Variants in OTUD7A observed in about 807,000 individuals in gnomAD.
OTUD7A encodes OTU domain-containing protein 7A.
In OTUD7A, 12 loss-of-function variants were observed where a neutral mutation model predicts 65.7. That is an observed-to-expected ratio of 0.18 (90% CI 0.12 to 0.30). OTUD7A has a LOEUF of 0.30. OTUD7A is among the 10% of genes least tolerant of loss of function. The pLI is 1.00. For synonymous variants in OTUD7A, 641 were observed against 586.3 expected, an observed-to-expected ratio of 1.09 and a Z score of -1.35; for missense variants, 1,148 against 1,304.8, an observed-to-expected ratio of 0.88 and a Z score of 1.85.
At chr15:31,552,300 C>A (rs1246527835) in intron 5 of OTUD7A, among the ~76,000 whole-genome samples, 1 of 152,136 alleles carries the variant, frequency 6.6e-6, no homozygotes, top group African/African-American at 2.4e-5. Flanking sequence ...TCTCAGGTAT[C>A]CCTTTAAAGC....
At position 31,680,307 on chromosome 15, in the gene OTUD7A, G is replaced by C. The variant is rs1892683533; in HGVS notation, c.-99-23230C>G. ...CAATTCTGCCATTCAGTATCTTCCT[G>C]AGAGAACACTCTAATTATGTGTACA... On this transcript the variant is annotated intron_variant, in intron 1 of 12. Coordinates refer to ENST00000307050, the MANE Select transcript of OTUD7A (RefSeq NM_001382637.1). Among the ~76,000 whole-genome samples, 4 of 152,092 alleles carry C rather than the reference G, an allele frequency of 2.6e-5. 1 individual carries two copies. Among genetic ancestry groups the C allele is most frequent in the Admixed American group, 2.6e-4 (4 of 15,278 alleles).
chr15:31,745,023 C>T (rs933960333), intron 1 of OTUD7A, among the ~76,000 whole-genome samples: 4 of 151,886 alleles, frequency 2.6e-5, no homozygotes, highest in Non-Finnish European at 4.4e-5. Flanking sequence ...TACACTAAAA[C>T]AAAAACCTCT....
intron 6 of OTUD7A, among the ~76,000 whole-genome samples, chr15:31,528,665 C>T (rs1360827654): frequency 6.6e-6 from 1 of 152,244 alleles, no homozygotes; most frequent in Non-Finnish European, 1.5e-5. Flanking sequence ...GCTCCTTGGG[C>T]AGGTCTCTCT....
intron 1 of OTUD7A, among the ~76,000 whole-genome samples, chr15:31,711,188 G>C (rs926437707): frequency 4.0e-5 from 6 of 151,634 alleles, no homozygotes; most frequent in African/African-American, 1.5e-4. Flanking sequence ...ATGTCTATTA[G>C]GGAAAGTTCA....
chr15:31,526,157 C>T (rs879847474), intron 8 of OTUD7A, among the ~76,000 whole-genome samples, 192 bp downstream of exon 8: 4 of 152,344 alleles, frequency 2.6e-5, no homozygotes, highest in East Asian at 1.9e-4. Context: ...TAGCACCTGG[C>T]GGGGCCAGCC....
At chr15:31,654,874 A>G (rs1023669262) in intron 3 of OTUD7A, among the ~76,000 whole-genome samples, 6 of 152,242 alleles carry the variant, frequency 3.9e-5, no homozygotes, top group African/African-American at 1.4e-4. Context: ...GGCCTACCAC[A>G]AAAGTATTTT....
chr15:31,553,482 C>A (rs576194917), intron 5 of OTUD7A, among the ~76,000 whole-genome samples: 53 of 152,198 alleles, frequency 3.5e-4, no homozygotes, highest in African/African-American at 1.3e-3. Flanking sequence ...CAACGCAGGG[C>A]TCTCTCTGAC....
intron 1 of OTUD7A, among the ~76,000 whole-genome samples, chr15:31,791,986 A>C (rs548773187): frequency 2.9e-4 from 44 of 152,122 alleles, no homozygotes; most frequent in Non-Finnish European, 2.8e-4. Flanking sequence ...TCACATGCCT[A>C]CTCACTGCAA....
chr15:31,530,489 G>A (rs1441745622), intron 6 of OTUD7A, among the ~76,000 whole-genome samples: 1 of 152,164 alleles, frequency 6.6e-6, no homozygotes, highest in East Asian at 1.9e-4. Flanking sequence ...ATCACGCCAG[G>A]TCTTTTCTTA....
At chr15:31,677,248 G>A in intron 1 of OTUD7A, among the ~76,000 whole-genome samples, 1 of 152,174 alleles carries the variant, frequency 6.6e-6, no homozygotes, top group East Asian at 1.9e-4. Context: ...AGAAATGTGG[G>A]TCCCTACATG....
intron 4 of OTUD7A, among the ~76,000 whole-genome samples, chr15:31,560,385 G>A (rs1262717252): frequency 6.6e-6 from 1 of 152,230 alleles, no homozygotes; most frequent in African/African-American, 2.4e-5. Flanking sequence ...GCCAGGGAAT[G>A]AGAAACGCAG....
intron 1 of OTUD7A, among the ~76,000 whole-genome samples, chr15:31,853,623 G>A (rs1423049599): frequency 6.6e-6 from 1 of 151,860 alleles, no homozygotes; most frequent in Non-Finnish European, 1.5e-5. Flanking sequence ...CTCAGCCTGT[G>A]GACTCGGCCT....
chr15:31,798,380 A>G (rs2140945597), intron 1 of OTUD7A, among the ~76,000 whole-genome samples: 1 of 152,214 alleles, frequency 6.6e-6, no homozygotes, highest in East Asian at 1.9e-4. Context: ...TGTGCTCCCG[A>G]TGCCCCCTCA....
intron 1 of OTUD7A, among the ~76,000 whole-genome samples, chr15:31,792,717 A>G (rs967609819): frequency 2.0e-5 from 3 of 152,136 alleles, no homozygotes; most frequent in African/African-American, 7.2e-5. Flanking sequence ...CTTTATGTGT[A>G]TGTGTGTTCT....
At chr15:31,675,279 G>T (rs1235176324) in intron 1 of OTUD7A, among the ~76,000 whole-genome samples, 6 of 152,142 alleles carry the variant, frequency 3.9e-5, no homozygotes, top group African/African-American at 1.2e-4. Flanking sequence ...AAAGAGATGA[G>T]TCTGTGGGGT....
chr15:31,548,616 G>A (rs558748568), intron 5 of OTUD7A, among the ~76,000 whole-genome samples: 10 of 152,138 alleles, frequency 6.6e-5, no homozygotes, highest in African/African-American at 2.4e-4. Flanking sequence ...GCATGCAGCC[G>A]ATGTGAGATC....
intron 9 of OTUD7A, 122 bp downstream of exon 9, chr15:31,503,569 T>C: frequency 7.5e-7 from 1 of 1,332,140 alleles, no homozygotes; most frequent in East Asian, 2.3e-5. Context: ...CGAGGAGATC[T>C]TTGCACAGAG....
chr15:31,679,788 C>T (rs1892672378), intron 1 of OTUD7A, among the ~76,000 whole-genome samples: 1 of 152,078 alleles, frequency 6.6e-6, no homozygotes. Flanking sequence ...CAGACTAATA[C>T]ACCATCAAAA....
chr15:31,720,247 T>C (rs368449407), intron 1 of OTUD7A, among the ~76,000 whole-genome samples: 10 of 151,408 alleles, frequency 6.6e-5, no homozygotes, highest in African/African-American at 2.4e-4. Flanking sequence ...CTGTGCCACA[T>C]CCAATAGTTG....
Sources: gnomAD v4.1 joint callset for allele counts (sites outside exome capture counted in the v4.1 genomes callset) on GRCh38, gnomAD v4.1.1 for gene constraint, MANE v1.5 for transcripts, NCBI Gene and HGNC (gene_info 2026-07-23, HGNC 2026-07-21) for gene names.